Variants in SDK1 observed in about 807,000 individuals in gnomAD.
SDK1 encodes sidekick cell adhesion molecule 1.
In SDK1, 157 loss-of-function variants were observed where a neutral mutation model predicts 245.5. That is an observed-to-expected ratio of 0.64 (90% CI 0.56 to 0.73). The LOEUF is 0.73. SDK1 is among the 30% of genes least tolerant of loss of function. SDK1 has a pLI of 0.00. For missense variants in SDK1, 3,583 were observed against 3,002.3 expected (o/e 1.19, Z -4.52); for synonymous variants, 1,647 against 1,278.5 (o/e 1.29, Z -6.15).
chr7:4,250,553 C>T (rs1259108997), intron 44 of SDK1, among the ~76,000 whole-genome samples: 2 of 152,124 alleles, frequency 1.3e-5, no homozygotes, highest in Admixed American at 1.3e-4. Flanking sequence ...CCATATTGGC[C>T]AGGCTGGTCT....
At chr7:3,452,930 T>G (rs1007785066) in intron 1 of SDK1, among the ~76,000 whole-genome samples, 1 of 152,214 alleles carries the variant, frequency 6.6e-6, no homozygotes, top group East Asian at 1.9e-4. Context: ...ATGCTGCCCC[T>G]GTTAAAATCA....
chr7:3,994,648 A>C (rs1784568720), intron 14 of SDK1, among the ~76,000 whole-genome samples: 1 of 152,014 alleles, frequency 6.6e-6, no homozygotes. Context: ...TCTCAAAAAA[A>C]AAAAAAAAAA....
At chr7:3,827,265 A>G (rs1312159613) in intron 5 of SDK1, among the ~76,000 whole-genome samples, 1 of 152,186 alleles carries the variant, frequency 6.6e-6, no homozygotes, top group African/African-American at 2.4e-5. Context: ...GTAGGCAGGC[A>G]TGTAAAATTT....
intron 1 of SDK1, among the ~76,000 whole-genome samples, chr7:3,344,419 A>G (rs1290010460): frequency 6.6e-6 from 1 of 152,216 alleles, no homozygotes; most frequent in Non-Finnish European, 1.5e-5. Flanking sequence ...TTGTATAAGA[A>G]AATTCCGACT....
intron 1 of SDK1, among the ~76,000 whole-genome samples, chr7:3,430,268 C>T (rs1779802115): frequency 6.6e-6 from 1 of 152,050 alleles, no homozygotes; most frequent in Non-Finnish European, 1.5e-5. Context: ...TTTCTCTGAC[C>T]ATATCAATGT....
intron 4 of SDK1, among the ~76,000 whole-genome samples, chr7:3,672,228 C>T (rs1017532198): frequency 5.9e-5 from 9 of 152,090 alleles, no homozygotes; most frequent in African/African-American, 2.2e-4. Context: ...AGAATGAAAA[C>T]ATCCTCAGAG....
At chr7:3,656,324 A>T (rs1293896132) in intron 4 of SDK1, among the ~76,000 whole-genome samples, 2 of 152,202 alleles carry the variant, frequency 1.3e-5, no homozygotes, top group Admixed American at 1.3e-4. Context: ...TTTGTTTCAC[A>T]GTCAAATATA....
intron 14 of SDK1, among the ~76,000 whole-genome samples, chr7:3,991,612 A>G (rs569621862): frequency 8.5e-5 from 13 of 152,332 alleles, no homozygotes; most frequent in Non-Finnish European, 1.9e-4. Flanking sequence ...AGAGAACGTC[A>G]GTCACCCATA....
chr7:4,195,986 T>C (rs1257995108), intron 35 of SDK1, among the ~76,000 whole-genome samples: 5 of 152,182 alleles, frequency 3.3e-5, no homozygotes, highest in Non-Finnish European at 7.3e-5. Flanking sequence ...GCTTTTGCCC[T>C]AGGAAAGCAG....
intron 1 of SDK1, among the ~76,000 whole-genome samples, chr7:3,311,845 C>G (rs67637487): frequency 0.15 from 23,304 of 152,136 alleles, 2,792 homozygotes; most frequent in African/African-American, 0.33. Context: ...AAATTCAGAG[C>G]TAGGGCGTTA....
chr7:4,182,743 T>C (rs2128220425), intron 35 of SDK1, among the ~76,000 whole-genome samples: 1 of 152,326 alleles, frequency 6.6e-6, no homozygotes, highest in East Asian at 1.9e-4. Flanking sequence ...CTGAGGCTCC[T>C]GGCAGTAGGG....
chr7:3,687,998 G>A (rs755877739), intron 4 of SDK1, among the ~76,000 whole-genome samples: 13 of 152,144 alleles, frequency 8.5e-5, no homozygotes, highest in South Asian at 2.1e-4. Flanking sequence ...TATTAGAGAA[G>A]GTTCTATTTC....
At chr7:3,357,886 A>G (rs1780848564) in intron 1 of SDK1, among the ~76,000 whole-genome samples, 2 of 152,324 alleles carry the variant, frequency 1.3e-5, no homozygotes, top group South Asian at 2.1e-4. Context: ...TGTGTGGTAG[A>G]TGTACTTCTA....
intron 27 of SDK1, among the ~76,000 whole-genome samples, chr7:4,131,823 G>A (rs926539459): frequency 2.3e-5 from 3 of 127,728 alleles, no homozygotes; most frequent in African/African-American, 5.5e-5. Flanking sequence ...GCATGCCTAC[G>A]AGAGAAATGA....
At chr7:3,713,313 G>A (rs1418179558) in intron 4 of SDK1, among the ~76,000 whole-genome samples, 1 of 152,184 alleles carries the variant, frequency 6.6e-6, no homozygotes, top group African/African-American at 2.4e-5. Context: ...TACAATTGGG[G>A]TTGTTTGTCT....
At chr7:3,469,756 C>A (rs1781124451) in intron 1 of SDK1, among the ~76,000 whole-genome samples, 1 of 152,112 alleles carries the variant, frequency 6.6e-6, no homozygotes, top group South Asian at 2.1e-4. Context: ...CTTAGTGAGG[C>A]CCCTTTGATC....
At chr7:4,203,127 C>A (rs936441709) in intron 35 of SDK1, among the ~76,000 whole-genome samples, 2 of 152,240 alleles carry the variant, frequency 1.3e-5, no homozygotes, top group Non-Finnish European at 1.5e-5. Flanking sequence ...CCCGCAGAGG[C>A]AGGAGGCCAC....
At chr7:3,766,987 T>C (rs1562428195) in intron 4 of SDK1, among the ~76,000 whole-genome samples, 1 of 152,308 alleles carries the variant, frequency 6.6e-6, no homozygotes, top group East Asian at 1.9e-4. Flanking sequence ...GCTATTTGGA[T>C]TTGGAAATTA....
chr7:3,330,118 G>C (rs1370291074), intron 1 of SDK1, among the ~76,000 whole-genome samples: 1 of 151,942 alleles, frequency 6.6e-6, no homozygotes, highest in Non-Finnish European at 1.5e-5. Flanking sequence ...CAGATATTTG[G>C]GTTATTTTCA....
Sources: allele counts gnomAD v4.1 joint callset (sites outside exome capture counted in the v4.1 genomes callset), GRCh38; gene constraint gnomAD v4.1.1; transcripts MANE v1.5; gene names NCBI Gene and HGNC (gene_info 2026-07-23, HGNC 2026-07-21).